Variants in PTPN12 observed in about 807,000 individuals in gnomAD.
The protein encoded by PTPN12 is protein tyrosine phosphatase non-receptor type 12.
Under a neutral mutation model 97.6 loss-of-function variants are expected in PTPN12, and 29 were observed. That is an observed-to-expected ratio of 0.30 (90% CI 0.22 to 0.41). The LOEUF (loss-of-function observed/expected upper bound fraction) is 0.41, where lower values mean the gene tolerates loss of function less well. Among genes scored for constraint, PTPN12 ranks in the 10% least tolerant of loss-of-function variants. The pLI, the probability that PTPN12 is intolerant of heterozygous loss-of-function variation, is 1.00. For missense variants in PTPN12, 819 were observed against 926.0 expected, an observed-to-expected ratio of 0.88 and a Z score of 1.50; for synonymous variants, 327 against 300.4, an observed-to-expected ratio of 1.09 and a Z score of -0.91.
At chr7:77,597,117 T>TTTTG (rs141035734) in intron 6 of PTPN12, among the ~76,000 whole-genome samples, 23 of 152,012 alleles carry the variant, frequency 1.5e-4, no homozygotes, top group South Asian at 8.3e-4. Context: ...TATAGTTTGT[T>TTTTG]TTTGTTTGTT....
chr7:77,618,228 A>G (rs1047532778), intron 11 of PTPN12, among the ~76,000 whole-genome samples: 1 of 151,818 alleles, frequency 6.6e-6, no homozygotes, highest in Non-Finnish European at 1.5e-5. Context: ...AGCATTTGAG[A>G]TGTGTTGAAA....
At chr7:77,638,927 T>A in intron 17 of PTPN12, 196 bp downstream of exon 17, 2 of 876,432 alleles carry the variant, frequency 2.3e-6, no homozygotes, top group Non-Finnish European at 3.2e-6. Flanking sequence ...AAAACTGCAG[T>A]ATAAAAAATC....
intron 2 of PTPN12, among the ~76,000 whole-genome samples, chr7:77,580,477 T>C (rs1787479295): frequency 6.6e-6 from 1 of 152,214 alleles, no homozygotes; most frequent in Non-Finnish European, 1.5e-5. Flanking sequence ...AGTATATAAC[T>C]ATATGTGTAA....
chr7:77,633,785 G>T (rs1052853515), intron 14 of PTPN12, among the ~76,000 whole-genome samples: 1 of 152,046 alleles, frequency 6.6e-6, no homozygotes, highest in South Asian at 2.1e-4. Context: ...CACTTTGGGA[G>T]TCCAAGGCGC....
chr7:77,553,482 A>G (rs1807568247), intron 1 of PTPN12, among the ~76,000 whole-genome samples: 1 of 152,184 alleles, frequency 6.6e-6, no homozygotes, highest in Non-Finnish European at 1.5e-5. Flanking sequence ...TGTTAGACAC[A>G]TATGGATTAA....
At chr7:77,625,805 A>G (rs1046042816) in intron 12 of PTPN12, among the ~76,000 whole-genome samples, 3 of 151,612 alleles carry the variant, frequency 2.0e-5, no homozygotes, top group Non-Finnish European at 4.4e-5. Context: ...CCTGAGCTCA[A>G]TTGATCCACC....
intron 13 of PTPN12, among the ~76,000 whole-genome samples, chr7:77,630,117 G>T (rs940629598): frequency 1.3e-5 from 2 of 152,110 alleles, no homozygotes; most frequent in Admixed American, 6.6e-5. Context: ...AGATTTTCCT[G>T]TGTGTAAATG....
At chr7:77,561,103 TAGAG>T (rs1807977324) in intron 1 of PTPN12, among the ~76,000 whole-genome samples, 1 of 152,198 alleles carries the variant, frequency 6.6e-6, no homozygotes. Flanking sequence ...TTGTTTTTTA[TAGAG>T]TTGAGGTTTT....
chr7:77,612,939 T>G (rs1169214365), intron 11 of PTPN12, among the ~76,000 whole-genome samples: 1 of 150,718 alleles, frequency 6.6e-6, no homozygotes, highest in Non-Finnish European at 1.5e-5. Context: ...ATCCAGCTAA[T>G]TTTTGTATTT....
intron 4 of PTPN12, 190 bp from the exon 5 acceptor site, chr7:77,585,353 A>G (rs1281880252): frequency 1.6e-5 from 8 of 510,740 alleles, no homozygotes; most frequent in Admixed American, 1.1e-4. Flanking sequence ...GTTGCTGTAT[A>G]GTTAGCCCTT....
rs570763293 is a variant in PTPN12, at chr7:77,550,526, C to A, written c.99+12881C>A. Among the ~76,000 whole-genome samples the A allele has an allele frequency of 5.3e-5, 8 of 152,216 alleles. 1 individual carries two copies. In the South Asian group the frequency reaches 1.7e-3, roughly 32 times the overall value. The stretch of plus-strand genomic sequence containing the variant: ...TCCTAGAAATTTAACCATTTCAATG[C>A]AGTTTTTTTACATTATTAACTGAAG... On this transcript the variant is annotated intron_variant, in intron 1 of 17. Coordinates refer to ENST00000248594, the MANE Select transcript of PTPN12 (RefSeq NM_002835.4).
At chr7:77,544,171 A>T (rs1428389921) in intron 1 of PTPN12, among the ~76,000 whole-genome samples, 1 of 152,228 alleles carries the variant, frequency 6.6e-6, no homozygotes, top group Admixed American at 6.5e-5. Flanking sequence ...CTTCACCGAT[A>T]CTTGTTGCTG....
intron 9 of PTPN12, among the ~76,000 whole-genome samples, chr7:77,610,122 A>C (rs1391610113): frequency 6.6e-6 from 1 of 152,188 alleles, no homozygotes; most frequent in Non-Finnish European, 1.5e-5. Context: ...AACATTGCCT[A>C]TTGCAGTAGT....
At chr7:77,542,930 C>T (rs1807049759) in intron 1 of PTPN12, among the ~76,000 whole-genome samples, 1 of 152,058 alleles carries the variant, frequency 6.6e-6, no homozygotes, top group African/African-American at 2.4e-5. Context: ...AGTGAATGAG[C>T]TTATTCCAAC....
chr7:77,630,336 C>T (rs1175191834), intron 13 of PTPN12, among the ~76,000 whole-genome samples: 1 of 152,088 alleles, frequency 6.6e-6, no homozygotes, highest in Non-Finnish European at 1.5e-5. Flanking sequence ...TACAGTCACA[C>T]ATTTCTTAAT....
chr7:77,562,300 C>G (rs1263268944), intron 1 of PTPN12, among the ~76,000 whole-genome samples: 1 of 152,158 alleles, frequency 6.6e-6, no homozygotes, highest in Non-Finnish European at 1.5e-5. Flanking sequence ...GGTGATCCAC[C>G]CACCTCGGCC....
In PTPN12 at chr7:77,626,754, C is replaced by G. The variant is rs1239655351; in HGVS notation, c.1075C>G (p.Pro359Ala). The G allele has an allele frequency of 6.2e-7, 1 of 1,612,122 alleles. No homozygotes were observed. Among genetic ancestry groups the G allele is most frequent in the African/African-American group, 1.3e-5 (1 of 74,790 alleles). ...AGAAGAAATACTGCAGCCACCGGAACCTCATCCAGTGCCACCCATCTTGAC... is the reference window on the plus strand; with the variant it reads ...AGAAGAAATACTGCAGCCACCGGAAGCTCATCCAGTGCCACCCATCTTGAC... Reference protein sequence around the residue: ...AKEEILQPPEPHPVPPILTPS... With the variant: ...AKEEILQPPEAHPVPPILTPS... The change falls in exon 13 of 18, where the codon CCT becomes GCT. Residue 359 changes from proline (P) to alanine (A), a missense_variant. Physicochemically the swap from Pro to Ala is conservative, Grantham distance 27. Transcript: ENST00000248594.
intron 1 of PTPN12, among the ~76,000 whole-genome samples, chr7:77,565,803 A>ATG (rs1164109365): frequency 1.3e-5 from 2 of 152,238 alleles, no homozygotes; most frequent in Non-Finnish European, 2.9e-5. Flanking sequence ...TGTATCAAAA[A>ATG]TTCTAAGTAT....
chr7:77,571,795 C>T (rs546225716), intron 2 of PTPN12, among the ~76,000 whole-genome samples: 36 of 152,106 alleles, frequency 2.4e-4, no homozygotes, highest in African/African-American at 8.0e-4. Flanking sequence ...TGAGCTCATA[C>T]GATCCTCCCA....
Sources: gnomAD v4.1 joint callset for allele counts (sites outside exome capture counted in the v4.1 genomes callset) on GRCh38, gnomAD v4.1.1 for gene constraint, MANE v1.5 for transcripts, NCBI Gene and HGNC (gene_info 2026-07-23, HGNC 2026-07-21) for gene names.